LY96: variants seen among roughly 807,000 people sequenced by gnomAD.
LY96 encodes the protein myeloid differentiation protein-2.
Under a neutral mutation model 18.9 loss-of-function variants are expected in LY96, and 18 were observed. The ratio of observed to expected loss-of-function variants is 0.95; its 90% confidence interval spans 0.66 to 1.41. The LOEUF is 1.41. Ranked by LOEUF, LY96 falls within the 40% of genes most tolerant of loss-of-function variation. LY96 has a pLI of 0.00. For synonymous variants in LY96, 66 were observed against 62.6 expected, an observed-to-expected ratio of 1.06 and a Z score of -0.26; for missense variants, 175 against 182.4, an observed-to-expected ratio of 0.96 and a Z score of 0.23.
chr8:74,071,741 C>T, the LY96 span, among the ~76,000 whole-genome samples: 20 of 152,100 alleles, frequency 1.3e-4, no homozygotes, highest in Admixed American at 3.3e-4. Context: ...TATTGCTCAC[C>T]TTTGCTTGTT....
chr8:74,085,158 A>T, the LY96 span, among the ~76,000 whole-genome samples: 1 of 152,328 alleles, frequency 6.6e-6, no homozygotes, highest in East Asian at 1.9e-4. Flanking sequence ...TGTCTCACAA[A>T]ATGCCTACAA....
the LY96 span, chr8:74,056,035 G>C: frequency 3.2e-5 from 5 of 156,508 alleles, no homozygotes; most frequent in South Asian, 9.4e-4. Context: ...TAGTCCCAGG[G>C]ATACAAGGAA....
At chr8:74,026,610 AG>A (rs1015467178) in intron 3 of LY96, among the ~76,000 whole-genome samples, 178 bp from the exon 4 acceptor site, 3 of 152,252 alleles carry the variant, frequency 2.0e-5, no homozygotes, top group Admixed American at 2.0e-4. Flanking sequence ...GAGAGGCTCT[AG>A]GGGCGGAGAA....
intron 3 of LY96, among the ~76,000 whole-genome samples, chr8:74,010,838 C>A (rs970957414): frequency 2.0e-5 from 3 of 151,538 alleles, no homozygotes; most frequent in Non-Finnish European, 4.4e-5. Context: ...AGCATCCTAA[C>A]TCTAAGACAT....
At chr8:74,076,304 G>T in the LY96 span, among the ~76,000 whole-genome samples, 4 of 151,388 alleles carry the variant, frequency 2.6e-5, no homozygotes, top group Non-Finnish European at 5.9e-5. Flanking sequence ...AAGGATTCCT[G>T]ATTCCAACAA....
At chr8:74,036,632 C>G in the LY96 span, among the ~76,000 whole-genome samples, 86 of 152,208 alleles carry the variant, frequency 5.7e-4, no homozygotes, top group Middle Eastern at 3.4e-3. Context: ...TTCCTTAGCC[C>G]CCAGCCCACC....
In LY96 at chr8:74,004,917, T is replaced by G. The variant is rs11466000; in HGVS notation, c.202+32T>G. 3,538 of 1,566,542 alleles carry G rather than the reference T, an allele frequency of 2.3e-3. 70 individuals carry two copies. In the African/African-American group the frequency reaches 0.043, roughly 19 times the overall value. ...TCAAATTTTTGCTTTTATAGACCAA[T>G]CAAAGGAGTTAAGAAATATCAGTGA... On this transcript the variant is annotated intron_variant, in intron 2 of 4. Transcript: ENST00000284818.
chr8:74,014,480 G>A (rs968954288), intron 3 of LY96, among the ~76,000 whole-genome samples: 1 of 145,188 alleles, frequency 6.9e-6, no homozygotes, highest in African/African-American at 2.6e-5. Context: ...AAAAGAACAG[G>A]CAGGTTTTTT....
At chr8:74,054,766 T>A in the LY96 span, among the ~76,000 whole-genome samples, 1 of 148,902 alleles carries the variant, frequency 6.7e-6, no homozygotes, top group African/African-American at 2.5e-5. Flanking sequence ...TGGGCTCAAG[T>A]AATCCTCCTA....
the LY96 span, among the ~76,000 whole-genome samples, chr8:74,049,190 C>T: frequency 6.6e-6 from 1 of 152,232 alleles, no homozygotes; most frequent in Non-Finnish European, 1.5e-5. Flanking sequence ...ACCATCTATC[C>T]TGTGCCTGGT....
chr8:74,007,209 C>T (rs920092535), intron 2 of LY96, among the ~76,000 whole-genome samples: 8 of 152,128 alleles, frequency 5.3e-5, no homozygotes, highest in Non-Finnish European at 1.0e-4. Context: ...GAGCAGCCTA[C>T]GAGAGGGTGG....
chr8:74,015,847 G>A (rs953247428), intron 3 of LY96, among the ~76,000 whole-genome samples: 7 of 152,142 alleles, frequency 4.6e-5, no homozygotes, highest in Non-Finnish European at 7.4e-5. Context: ...CTTCAATGTG[G>A]GCAAAGCTTC....
chr8:74,075,925 A>G, the LY96 span, among the ~76,000 whole-genome samples: 2 of 152,230 alleles, frequency 1.3e-5, no homozygotes, highest in African/African-American at 4.8e-5. Context: ...AGCAGTGCCT[A>G]TAAAGGGAAG....
chr8:74,095,318 C>A, the LY96 span, among the ~76,000 whole-genome samples: 3 of 152,164 alleles, frequency 2.0e-5, no homozygotes, highest in Admixed American at 2.0e-4. Flanking sequence ...GAACATAAAG[C>A]CTTTTCCTAC....
Position 74,026,808 on chromosome 8 carries a change from A to G in LY96, c.351A>G (p.Ile117Met), listed in dbSNP as rs575224051. ...ALKGETVNTTISFSFKGIKFS... is the reference protein window; with the variant it reads ...ALKGETVNTTMSFSFKGIKFS... The stretch of plus-strand genomic sequence containing the variant: ...TTGCAGAGACTGTGAATACAACAAT[A>G]TCATTCTCCTTCAAGGGAATAAAAT... The change falls in exon 4 of 5, where the codon ATA becomes ATG. Residue 117 changes from isoleucine to methionine, a missense_variant. Ile to Met is a conservative substitution (Grantham distance 10). Transcript: ENST00000284818. 1.5e-4 allele frequency: 226 copies of G among 1,536,728 alleles called. No homozygotes were observed. The highest frequency in any genetic ancestry group is 1.9e-4 in the Non-Finnish European group (209 of 1,110,184).
the LY96 span, among the ~76,000 whole-genome samples, chr8:74,048,499 C>T: frequency 6.6e-6 from 1 of 152,136 alleles, no homozygotes; most frequent in Middle Eastern, 3.2e-3. Flanking sequence ...GAACCCAGGG[C>T]CCTTCTGCCT....
At chr8:74,028,312 G>T (rs182486475) in intron 4 of LY96, among the ~76,000 whole-genome samples, 95 of 152,020 alleles carry the variant, frequency 6.2e-4, no homozygotes, top group African/African-American at 2.2e-3. Flanking sequence ...ATTTTTTTCC[G>T]CTTCATTTTT....
chr8:74,034,294 C>T, the LY96 span, among the ~76,000 whole-genome samples: 1 of 151,924 alleles, frequency 6.6e-6, no homozygotes, highest in East Asian at 1.9e-4. Context: ...ATTGTTTGAG[C>T]CTGGGAGATG....
chr8:73,993,596 C>A (rs1267988793), intron 1 of LY96, among the ~76,000 whole-genome samples: 2 of 152,154 alleles, frequency 1.3e-5, no homozygotes, highest in Non-Finnish European at 2.9e-5. Flanking sequence ...GTGCCCACCA[C>A]CACACCCAGC....
Sources: allele counts gnomAD v4.1 joint callset (sites outside exome capture counted in the v4.1 genomes callset), GRCh38; gene constraint gnomAD v4.1.1; transcripts MANE v1.5; gene names NCBI Gene and HGNC (gene_info 2026-07-23, HGNC 2026-07-21).